VPS8: variants seen among roughly 807,000 people sequenced by gnomAD.
The protein encoded by VPS8 is vacuolar protein sorting-associated protein 8 homolog.
Under a neutral mutation model 216.4 loss-of-function variants are expected in VPS8, and 129 were observed. That is an observed-to-expected ratio of 0.60 (90% CI 0.52 to 0.69). VPS8 has a LOEUF of 0.69. Ranked by LOEUF, VPS8 falls within the 30% of genes least tolerant of loss-of-function variation. The pLI is 0.00. For synonymous variants in VPS8, 571 were observed against 565.4 expected, an observed-to-expected ratio of 1.01 and a Z score of -0.14; for missense variants, 1,531 against 1,683.5, an observed-to-expected ratio of 0.91 and a Z score of 1.59.
rs940423243 is a variant in VPS8, at chr3:184,862,821, G to A, written c.1225-76G>A. The stretch of plus-strand genomic sequence containing the variant: ...GTCCTCAATGTAATTTAATCGAGCA[G>A]CCAAGCTTTCTTCTTGACCCAAATG... On this transcript the variant is annotated intron_variant, in intron 15 of 47. Transcript: ENST00000625842. 2.2e-5 allele frequency: 32 copies of A among 1,469,794 alleles called. No homozygotes were observed. The African/African-American group carries it at 4.2e-4, about 19-fold the overall frequency. 91.0% of individuals were successfully genotyped at this position (1,469,794 alleles called of 1,614,324 possible). A position where few individuals can be genotyped will look rare whatever the true frequency, so the allele number is the denominator to read the frequency against.
chr3:184,870,827 A>G, intron 21 of VPS8, 22 bp downstream of exon 21: 1 of 1,591,194 alleles, frequency 6.3e-7, no homozygotes, highest in East Asian at 2.3e-5. Context: ...ATGTGCTTCC[A>G]GTAGACGATG....
At chr3:185,033,059 C>T (rs558099456) in intron 46 of VPS8, among the ~76,000 whole-genome samples, 1 of 152,286 alleles carries the variant, frequency 6.6e-6, no homozygotes, top group African/African-American at 2.4e-5. Context: ...CCTCCCCACC[C>T]CCACAGTTGC....
chr3:184,860,413 G>A lies in VPS8; in HGVS notation c.1224+348G>A, dbSNP rs942680190. On this transcript the variant is annotated intron_variant, in intron 15 of 47. Coordinates refer to ENST00000625842, the MANE Select transcript of VPS8 (RefSeq NM_001009921.3). ...TATATATGTATGTATACGTATATAT[G>A]TATATATATGTATATATGTGTGTAT... Among the ~76,000 whole-genome samples, 337 of 147,824 alleles carry A rather than the reference G, an allele frequency of 2.3e-3. 1 individual carries two copies. Among genetic ancestry groups the A allele is most frequent in the African/African-American group, 7.8e-3 (312 of 40,220 alleles).
chr3:184,888,092 A>G (rs556678612), intron 22 of VPS8, among the ~76,000 whole-genome samples: 3 of 150,550 alleles, frequency 2.0e-5, no homozygotes, highest in East Asian at 3.9e-4. Flanking sequence ...GGTTCACGCC[A>G]TTCTCCTGCC....
At chr3:184,923,247 A>G (rs1032608849) in intron 29 of VPS8, among the ~76,000 whole-genome samples, 1 of 152,110 alleles carries the variant, frequency 6.6e-6, no homozygotes, top group Admixed American at 6.6e-5. Flanking sequence ...AGCTCGCCCA[A>G]AACAGTACAT....
Position 184,894,872 on chromosome 3 carries a change from A to G in VPS8, c.1951A>G (p.Asn651Asp), listed in dbSNP as rs1269546214. 1 of 1,609,924 alleles carries G rather than the reference A, an allele frequency of 6.2e-7. No individual in the cohort carries two copies. The highest frequency in any genetic ancestry group is 2.2e-5 in the East Asian group (1 of 44,772). The change falls in exon 23 of 48, where the codon AAT (asparagine) becomes GAT (aspartate). Residue 651 changes from asparagine (N) to aspartate (D), a missense_variant. Asn to Asp is a conservative substitution (Grantham distance 23, BLOSUM62 1). This residue lies in a region of VPS8 where 1,318 missense variants were observed against 1,468.4 expected (regional missense o/e 0.90). Transcript: ENST00000625842. ...TTTCCAAGATAAAAAATTAATGGAA[A>G]ATGTGGAAGCGCTCATTGTACATAT... ...VHFQDKKLME[N>D]VEALIVHMDI...
chr3:185,038,796 G>C (rs1759247471), intron 46 of VPS8, among the ~76,000 whole-genome samples: 1 of 152,174 alleles, frequency 6.6e-6, no homozygotes, highest in Admixed American at 6.5e-5. Flanking sequence ...AGCACGGAGG[G>C]GCAGCAGCCT....
At chr3:184,898,422 T>C in intron 23 of VPS8, 143 bp from the exon 24 acceptor site, 2 of 687,118 alleles carry the variant, frequency 2.9e-6, no homozygotes, top group Non-Finnish European at 5.1e-6. Context: ...GCATTGTGTT[T>C]GAGTACTTGA....
intron 34 of VPS8, among the ~76,000 whole-genome samples, chr3:184,933,308 A>G (rs1741013438): frequency 6.6e-6 from 1 of 152,180 alleles, no homozygotes; most frequent in Non-Finnish European, 1.5e-5. Flanking sequence ...CTTAATTACT[A>G]ATAAGACTGA....
intron 21 of VPS8, 61 bp downstream of exon 21, chr3:184,870,866 A>G (rs1215027286): frequency 2.9e-6 from 4 of 1,380,796 alleles, no homozygotes; most frequent in Non-Finnish European, 3.0e-6. Flanking sequence ...CTCCTCTTTT[A>G]TGTTACTTGA....
At chr3:184,892,614 T>G (rs1345312421) in intron 22 of VPS8, among the ~76,000 whole-genome samples, 1 of 152,206 alleles carries the variant, frequency 6.6e-6, no homozygotes, top group Non-Finnish European at 1.5e-5. Context: ...AAAAAAAATT[T>G]TATTTTAAGG....
rs55724735 is a variant in VPS8, at chr3:184,977,728, C to CTTT, written c.3421-4823_3421-4821dup. On this transcript the variant is annotated intron_variant, in intron 40 of 47. Transcript: ENST00000625842. ...AGGGAGTCTTTTTCTCATTGCTTAT[C>CTTT]TTTTTTTTTTTTTTTTTGTCAACTT... Among the ~76,000 whole-genome samples the CTTT allele has an allele frequency of 9.0e-4, 113 of 126,000 alleles. 1 individual carries two copies. The highest frequency in any genetic ancestry group is 2.6e-3 in the African/African-American group (90 of 35,014). The allele number at this position is 126,000 out of a possible 152,430, so 82.7% of individuals were successfully genotyped here.
At position 184,894,892 on chromosome 3, in the gene VPS8, A is replaced by G. The variant is rs191757360; in HGVS notation, c.1971A>G (p.Val657=). The change falls in exon 23 of 48, where the codon GTA becomes GTG. Residue 657 remains valine, a synonymous_variant. Coordinates refer to ENST00000625842, the MANE Select transcript of VPS8 (RefSeq NM_001009921.3). ...KLMENVEALI[V]HMDITSLDIQ... ...TGGAAAATGTGGAAGCGCTCATTGT[A>G]CATATGGATATCACCAGCCTAGATA... is the stretch of plus-strand genomic sequence containing the variant. 6 of 1,607,986 alleles carry G rather than the reference A, an allele frequency of 3.7e-6. No homozygotes were observed. The highest frequency in any genetic ancestry group is 3.4e-5 in the Admixed American group (2 of 59,592).
chr3:185,013,550 T>C (rs1033843237), intron 45 of VPS8, among the ~76,000 whole-genome samples: 5 of 152,216 alleles, frequency 3.3e-5, no homozygotes, highest in Admixed American at 2.6e-4. Context: ...CTTTAAATAT[T>C]TGTTCTTTAA....
rs888577339 is a variant in VPS8, at chr3:185,032,522, A to G, written c.4056+8133A>G. ...TGTGGTCAGCCGATTCTCAGAAGCA[A>G]CCCTTAAAGGAGAGATTCTGTACTC... On this transcript the variant is annotated intron_variant, in intron 46 of 47. Transcript: ENST00000625842. 4.6e-5 allele frequency among the ~76,000 whole-genome samples: 7 copies of G among 152,234 alleles called. No individual in the cohort carries two copies. In the East Asian group the frequency reaches 1.2e-3, roughly 25 times the overall value.
intron 22 of VPS8, among the ~76,000 whole-genome samples, chr3:184,892,196 A>G (rs937716418): frequency 3.9e-5 from 6 of 152,114 alleles, no homozygotes; most frequent in Non-Finnish European, 7.4e-5. Flanking sequence ...AAAAAATATG[A>G]GAGCTACAAA....
intron 39 of VPS8, among the ~76,000 whole-genome samples, chr3:184,967,350 T>G (rs1747585473): frequency 6.6e-6 from 1 of 152,184 alleles, no homozygotes; most frequent in Non-Finnish European, 1.5e-5. Context: ...TCCTAAAAAT[T>G]AATGTGCCAA....
intron 3 of VPS8, 126 bp downstream of exon 3, chr3:184,826,357 C>A: frequency 1.8e-6 from 1 of 546,272 alleles, no homozygotes; most frequent in South Asian, 3.8e-5. Context: ...TCGTGTGTGT[C>A]AGTTTAAAAT....
intron 29 of VPS8, among the ~76,000 whole-genome samples, chr3:184,920,481 A>C (rs1435320086): frequency 2.6e-5 from 4 of 152,252 alleles, no homozygotes; most frequent in Admixed American, 2.6e-4. Flanking sequence ...TACGTGTAAT[A>C]ATAGAGACTA....
Sources: gnomAD v4.1 joint callset for allele counts (sites outside exome capture counted in the v4.1 genomes callset) on GRCh38, gnomAD v4.1.1 for gene constraint, gnomAD v4.1.1 regional missense constraint, MANE v1.5 for transcripts, NCBI Gene and HGNC (gene_info 2026-07-23, HGNC 2026-07-21) for gene names.